The following MRPL3 variants were observed in gnomAD, a reference collection of about 807,000 sequenced individuals.
The protein encoded by MRPL3 is mitochondrial ribosomal protein L3.
In MRPL3, 43 loss-of-function variants were observed where a neutral mutation model predicts 44.3. The ratio of observed to expected loss-of-function variants is 0.97; its 90% CI spans 0.76 to 1.25. MRPL3 has a LOEUF of 1.25. Ranked by LOEUF, MRPL3 falls within the 50% of genes most tolerant of loss-of-function variation. MRPL3 has a pLI of 0.00. For synonymous variants in MRPL3, 171 were observed against 152.3 expected (o/e 1.12, Z -0.91); for missense variants, 406 against 427.6 (o/e 0.95, Z 0.45).
At chr3:131,496,537 G>A (rs1934374380) in intron 4 of MRPL3, among the ~76,000 whole-genome samples, 1 of 152,122 alleles carries the variant, frequency 6.6e-6, no homozygotes, top group Non-Finnish European at 1.5e-5. Context: ...ATAGAACTAT[G>A]ATTTCCTGTG....
chr3:131,483,524 T>C (rs1019416760), intron 6 of MRPL3, among the ~76,000 whole-genome samples: 1 of 152,184 alleles, frequency 6.6e-6, no homozygotes, highest in Non-Finnish European at 1.5e-5. Context: ...TGGTAAATTA[T>C]ATATTCACCT....
chr3:131,483,024 C>T (rs1357338161), intron 6 of MRPL3, among the ~76,000 whole-genome samples: 1 of 149,224 alleles, frequency 6.7e-6, no homozygotes, highest in African/African-American at 2.5e-5. Context: ...ATAAGCACCA[C>T]CAGAATTCAA....
rs758583143 is a variant in MRPL3 at position 131,502,816 on chromosome 3, C to A, written c.6G>T (p.Pro2=). 1.9e-6 allele frequency: 3 copies of A among 1,612,068 alleles called. No homozygotes were observed. In the African/African-American group the frequency reaches 4.0e-5, roughly 22 times the overall value. ...CGACCTGCGTCAGCAGCCTCCAACCCGGCATGGATTAGCCCGGGAAGACTC... is the reference window on the plus strand; with the variant it reads ...CGACCTGCGTCAGCAGCCTCCAACCAGGCATGGATTAGCCCGGGAAGACTC... M[P]GWRLLTQVGA... is the part of the protein sequence containing the mutation. Residue 2 remains proline (P), a synonymous_variant, in exon 1 of 10, where the codon CCG becomes CCT. Coordinates refer to ENST00000264995, the MANE Select transcript of MRPL3 (RefSeq NM_007208.4).
chr3:131,490,451 T>C (rs995042587), intron 4 of MRPL3, among the ~76,000 whole-genome samples: 6 of 152,192 alleles, frequency 3.9e-5, no homozygotes, highest in African/African-American at 1.4e-4. Context: ...TCTGCACTTA[T>C]TCTAAACTGG....
Position 131,487,663 on chromosome 3 carries a change from T to C in MRPL3, c.629+17A>G, listed in dbSNP as rs757842680. ...GATGAAAACAAAAGGAAAAGAGAAC[T>C]CGCTATGAGGACCTACGTTTTGGCT... On this transcript the variant is annotated intron_variant, in intron 6 of 9. Transcript: ENST00000264995. 6.3e-6 allele frequency: 10 copies of C among 1,598,212 alleles called. No homozygotes were observed. The highest frequency in any genetic ancestry group is 8.5e-6 in the Non-Finnish European group (10 of 1,170,216).
At chr3:131,501,844 CT>C in intron 1 of MRPL3, 129 bp from the exon 2 acceptor site, 2 of 1,566,614 alleles carry the variant, frequency 1.3e-6, no homozygotes, top group Non-Finnish European at 1.7e-6. Context: ...TTCTGTATAC[CT>C]TTTTTTCAGG....
intron 6 of MRPL3, among the ~76,000 whole-genome samples, chr3:131,486,364 C>CAAAAAAAA (rs36151946): frequency 2.1e-4 from 10 of 46,704 alleles, no homozygotes; most frequent in African/African-American, 3.6e-4. Flanking sequence ...TTCTGCACGG[C>CAAAAAAAA]AAAAAAAAAA....
intron 1 of MRPL3, 71 bp downstream of exon 1, chr3:131,502,659 C>T: frequency 7.4e-7 from 1 of 1,343,914 alleles, no homozygotes; most frequent in Non-Finnish European, 1.0e-6. Flanking sequence ...CAGGGGAGGC[C>T]CAACTGCACC....
chr3:131,466,724 G>A, intron 9 of MRPL3, among the ~76,000 whole-genome samples: 1 of 151,086 alleles, frequency 6.6e-6, no homozygotes, highest in East Asian at 1.9e-4. Flanking sequence ...ACTTATAATT[G>A]ACACATAATT....
chr3:131,491,844 T>C (rs1375148197), intron 4 of MRPL3, among the ~76,000 whole-genome samples: 3 of 152,120 alleles, frequency 2.0e-5, no homozygotes, highest in African/African-American at 7.2e-5. Flanking sequence ...CAGGCTGGCA[T>C]TATCATTTTA....
Position 131,502,814 on chromosome 3 carries a change from C to G in MRPL3, c.8G>C (p.Gly3Ala), listed in dbSNP as rs1934528596. The change falls in exon 1 of 10, where the codon GGT (glycine) becomes GCT (alanine). Residue 3 changes from glycine (G) to alanine (A), a missense_variant. Transcript: ENST00000264995. MP[G>A]WRLLTQVGAQ... ...GCCGACCTGCGTCAGCAGCCTCCAA[C>G]CCGGCATGGATTAGCCCGGGAAGAC... is the stretch of plus-strand genomic sequence containing the variant. 6.2e-7 allele frequency: 1 copy of G among 1,612,294 alleles called. No individual in the cohort carries two copies. Among genetic ancestry groups the G allele is most frequent in the East Asian group, 2.2e-5 (1 of 44,838 alleles).
chr3:131,477,945 T>C (rs1278407897), intron 6 of MRPL3, among the ~76,000 whole-genome samples: 3 of 152,180 alleles, frequency 2.0e-5, no homozygotes, highest in African/African-American at 7.2e-5. Context: ...TCTTTCCTCT[T>C]GCTGCCTCTG....
At chr3:131,474,236 C>T (rs9289388) in intron 6 of MRPL3, among the ~76,000 whole-genome samples, 112,633 of 152,148 alleles carry the variant, frequency 0.74, 43,002 homozygotes, top group African/African-American at 0.91. Flanking sequence ...ATCCTGCCAT[C>T]TGCAACAACA....
chr3:131,498,052 C>CG (rs766631929), intron 4 of MRPL3, 127 bp downstream of exon 4: 1 of 747,770 alleles, frequency 1.3e-6, no homozygotes, highest in Non-Finnish European at 2.3e-6. Flanking sequence ...CTGCCTCCCC[C>CG]AAATACACAA....
intron 4 of MRPL3, among the ~76,000 whole-genome samples, chr3:131,496,551 AT>A (rs1160717937): frequency 6.6e-6 from 1 of 152,174 alleles, no homozygotes; most frequent in African/African-American, 2.4e-5. Flanking sequence ...TCCTGTGAAC[AT>A]CTCAAACATC....
At chr3:131,489,951 A>G in intron 5 of MRPL3, 30 bp downstream of exon 5, 6 of 1,398,434 alleles carry the variant, frequency 4.3e-6, no homozygotes, top group Non-Finnish European at 6.1e-6. Context: ...GGGTATTTTT[A>G]CCTCCCTCCT....
At chr3:131,496,823 T>C (rs1934379570) in intron 4 of MRPL3, among the ~76,000 whole-genome samples, 1 of 152,204 alleles carries the variant, frequency 6.6e-6, no homozygotes. Context: ...AGTTAAAGAA[T>C]TCAGAAAGCA....
At chr3:131,471,943 C>CAATGGA (rs1201724859) in intron 6 of MRPL3, among the ~76,000 whole-genome samples, 1 of 152,060 alleles carries the variant, frequency 6.6e-6, no homozygotes, top group Non-Finnish European at 1.5e-5. Context: ...TGAGGTCTGC[C>CAATGGA]AATGGACTAT....
intron 9 of MRPL3, among the ~76,000 whole-genome samples, 175 bp from the exon 10 acceptor site, chr3:131,463,050 A>T (rs1933526366): frequency 6.6e-6 from 1 of 152,242 alleles, no homozygotes; most frequent in Non-Finnish European, 1.5e-5. Flanking sequence ...AATTCTAAAA[A>T]ATTTGACTAA....
Sources: allele counts gnomAD v4.1 joint callset (sites outside exome capture counted in the v4.1 genomes callset), GRCh38; gene constraint gnomAD v4.1.1; transcripts MANE v1.5; gene names NCBI Gene and HGNC (gene_info 2026-07-23, HGNC 2026-07-21).